The following CNGB3 variants were observed in gnomAD, a reference collection of about 807,000 sequenced individuals.
CNGB3 encodes cyclic nucleotide-gated channel beta-3.
In CNGB3, 86 loss-of-function variants were observed where a neutral mutation model predicts 92.8. That is an observed-to-expected ratio of 0.93 (90% CI 0.78 to 1.11). The LOEUF is 1.11. Ranked by LOEUF, CNGB3 falls within the 50% of genes least tolerant of loss-of-function variation. The pLI, the probability that CNGB3 is intolerant of heterozygous loss-of-function variation, is 0.00. For synonymous variants in CNGB3, 333 were observed against 332.7 expected, an observed-to-expected ratio of 1.00 and a Z score of -0.01; for missense variants, 1,026 against 956.8, an observed-to-expected ratio of 1.07 and a Z score of -0.95.
chr8:86,695,502 C>T (rs1419508394), intron 3 of CNGB3, among the ~76,000 whole-genome samples: 1 of 152,070 alleles, frequency 6.6e-6, no homozygotes, highest in Non-Finnish European at 1.5e-5. Context: ...CTTTCATTTC[C>T]AGACGTTGTA....
chr8:86,635,361 C>T (rs568115077), intron 10 of CNGB3, among the ~76,000 whole-genome samples: 23 of 152,122 alleles, frequency 1.5e-4, no homozygotes, highest in Non-Finnish European at 3.1e-4. Flanking sequence ...GATTACTTCC[C>T]CTCCAAAGTC....
chr8:86,604,368 C>T (rs988589136), intron 14 of CNGB3, among the ~76,000 whole-genome samples, 157 bp from the exon 15 acceptor site: 3 of 152,154 alleles, frequency 2.0e-5, no homozygotes, highest in African/African-American at 7.2e-5. Context: ...AAAGTATTTA[C>T]AGACATGGGT....
Position 86,743,548 on chromosome 8 carries a change from T to C in CNGB3, c.80A>G (p.Asn27Ser), listed in dbSNP as rs35807406. ...NNENEQSSRR[N>S]EEGSHPSNQS... Reference sequence around the variant, plus strand: ...ATTACTTGGGTGAGAGCCTTCTTCATTCCGACGAGAACTTTGTTCATTCTC... The same window carrying C: ...ATTACTTGGGTGAGAGCCTTCTTCACTCCGACGAGAACTTTGTTCATTCTC... Residue 27 changes from asparagine to serine, a missense_variant, in exon 1 of 18, where the codon AAT becomes AGT. Physicochemically the swap from Asn to Ser is conservative, Grantham distance 46 (BLOSUM62 1). Transcript: ENST00000320005. 34,701 of 1,614,020 alleles carry C rather than the reference T, an allele frequency of 0.021. 471 individuals carry two copies. The highest frequency in any genetic ancestry group is 0.024 in the Non-Finnish European group (28,404 of 1,179,888).
chr8:86,738,327 C>T lies in CNGB3; in HGVS notation c.211+1328G>A, dbSNP rs115357322. On this transcript the variant is annotated intron_variant, in intron 2 of 17. Coordinates refer to ENST00000320005, the MANE Select transcript of CNGB3 (RefSeq NM_019098.5). ...TCAGGTGGAGGAAATTAGATTTTGT[C>T]CTGCAGGCAATATGCAAGCACTTAA... 2.6e-3 allele frequency among the ~76,000 whole-genome samples: 403 copies of T among 152,164 alleles called. 3 individuals are homozygous for T. The highest frequency in any genetic ancestry group is 9.1e-3 in the African/African-American group (378 of 41,502).
rs1006360256 is a variant in CNGB3 at position 86,593,626 on chromosome 8, G to A, written c.1781+10467C>T. On this transcript the variant is annotated intron_variant, in intron 15 of 17. Coordinates refer to ENST00000320005, the MANE Select transcript of CNGB3 (RefSeq NM_019098.5). Reference sequence around the variant, plus strand: ...GCCATGAGAGGTGGTGGCTATAAGGGGCGAGTGGGGTTCCCCACTGAGGTG... The same window carrying A: ...GCCATGAGAGGTGGTGGCTATAAGGAGCGAGTGGGGTTCCCCACTGAGGTG... 3.1e-4 allele frequency: 145 copies of A among 470,558 alleles called. 1 individual carries two copies. Among genetic ancestry groups the A allele is most frequent in the Middle Eastern group, 6.2e-4 (1 of 1,616 alleles). 29.1% of individuals were successfully genotyped at this position (470,558 alleles called of 1,614,324 possible).
chr8:86,623,762 T>C (rs1822789026), intron 13 of CNGB3, among the ~76,000 whole-genome samples: 1 of 152,160 alleles, frequency 6.6e-6, no homozygotes, highest in Admixed American at 6.5e-5. Context: ...AGTTTCCTAT[T>C]TTGCAAATGA....
chr8:86,598,604 G>T (rs1822221992), intron 15 of CNGB3, among the ~76,000 whole-genome samples: 1 of 152,190 alleles, frequency 6.6e-6, no homozygotes, highest in African/African-American at 2.4e-5. Context: ...GCAGGGCTGT[G>T]TTTCCTCTAA....
chr8:86,722,652 G>A (rs1824993440), intron 3 of CNGB3, among the ~76,000 whole-genome samples: 1 of 152,064 alleles, frequency 6.6e-6, no homozygotes, highest in African/African-American at 2.4e-5. Flanking sequence ...CCCTAATGTG[G>A]GTAAACCTCA....
intron 2 of CNGB3, among the ~76,000 whole-genome samples, chr8:86,728,709 G>A (rs1016323202): frequency 1.1e-4 from 16 of 152,168 alleles, no homozygotes; most frequent in African/African-American, 3.9e-4. Context: ...GGGATCTGGA[G>A]TTATCATGGG....
At chr8:86,644,766 T>C (rs1294860462) in intron 8 of CNGB3, 80 bp from the exon 9 acceptor site, 2 of 957,360 alleles carry the variant, frequency 2.1e-6, no homozygotes, top group Non-Finnish European at 2.8e-6. Flanking sequence ...TGAAATAGAT[T>C]TTATTACTGA....
At chr8:86,667,192 TG>T in intron 5 of CNGB3, 59 bp from the exon 6 acceptor site, 2 of 1,480,852 alleles carry the variant, frequency 1.4e-6, no homozygotes, top group Non-Finnish European at 1.9e-6. Context: ...GAAAGAATTC[TG>T]TTGCTTAGTT....
Position 86,636,628 on chromosome 8 carries a change from G to C in CNGB3, c.1179-3735C>G, listed in dbSNP as rs116809048. ...GCACTAATGTTAAGTAAGACCATTT[G>C]GTGAATTTAAAGAAAGTACAGTATT... On this transcript the variant is annotated intron_variant, in intron 10 of 17. Transcript: ENST00000320005. Among the ~76,000 whole-genome samples the C allele has an allele frequency of 7.0e-3, 1,010 of 143,276 alleles. 6 individuals carry two copies. Among genetic ancestry groups the C allele is most frequent in the African/African-American group, 0.025 (959 of 38,520 alleles). 94.0% of individuals were successfully genotyped at this position (143,276 alleles called of 152,430 possible).
intron 13 of CNGB3, among the ~76,000 whole-genome samples, chr8:86,613,365 A>T (rs1822556207): frequency 6.6e-6 from 1 of 152,160 alleles, no homozygotes; most frequent in African/African-American, 2.4e-5. Flanking sequence ...AATTTCTTTA[A>T]ATGCTGTCAT....
chr8:86,645,278 C>A lies in CNGB3; in HGVS notation c.991-592G>T, dbSNP rs548751542. On this transcript the variant is annotated intron_variant, in intron 8 of 17. Transcript: ENST00000320005. ...CAAGGTTTTTTCTTGCTTGCTTCTA[C>A]TTTTATCTCAACCTTTTCTGCCTGC... 4.0e-5 allele frequency among the ~76,000 whole-genome samples: 6 copies of A among 151,390 alleles called. No homozygotes were observed. In the South Asian group the frequency reaches 1.2e-3, roughly 31 times the overall value.
At chr8:86,732,417 G>A (rs1044962215) in intron 2 of CNGB3, among the ~76,000 whole-genome samples, 2 of 152,088 alleles carry the variant, frequency 1.3e-5, no homozygotes, top group African/African-American at 4.8e-5. Context: ...TTTGGAATTT[G>A]GACTGAAAAA....
intron 3 of CNGB3, among the ~76,000 whole-genome samples, chr8:86,724,932 T>A (rs1825034496): frequency 1.3e-5 from 2 of 151,828 alleles, no homozygotes; most frequent in African/African-American, 4.8e-5. Flanking sequence ...TAAAAACAGG[T>A]GAGAGACAGA....
chr8:86,594,117 C>G (rs10087190), intron 15 of CNGB3: 51,760 of 295,578 alleles, frequency 0.18, 7,069 homozygotes, highest in African/African-American at 0.47. Context: ...GAAAAGTGGA[C>G]TTACAAAACC....
intron 15 of CNGB3, among the ~76,000 whole-genome samples, chr8:86,592,311 C>T (rs920341649): frequency 1.3e-5 from 2 of 152,252 alleles, no homozygotes; most frequent in Admixed American, 6.5e-5. Context: ...CTGCGTCGCT[C>T]AGGCTGGGAG....
intron 15 of CNGB3, among the ~76,000 whole-genome samples, chr8:86,587,586 A>C (rs1192144630): frequency 6.6e-6 from 1 of 152,034 alleles, no homozygotes; most frequent in Non-Finnish European, 1.5e-5. Context: ...ACCATTTATT[A>C]AATAGGGAAT....
Sources: gnomAD v4.1 joint callset for allele counts (sites outside exome capture counted in the v4.1 genomes callset) on GRCh38, gnomAD v4.1.1 for gene constraint, MANE v1.5 for transcripts, NCBI Gene and HGNC (gene_info 2026-07-23, HGNC 2026-07-21) for gene names.